The following DNAH3 variants were observed in gnomAD, a reference collection of about 807,000 sequenced individuals.
DNAH3 encodes the protein dynein axonemal heavy chain 3.
DNAH3 carries 332 observed loss-of-function variants against 432.5 expected under a neutral mutation model. The observed-to-expected ratio is 0.77, with a 90% confidence interval of 0.70 to 0.84. DNAH3 has a LOEUF of 0.84. Ranked by LOEUF, DNAH3 falls within the 40% of genes least tolerant of loss-of-function variation. The pLI, the probability that DNAH3 is intolerant of heterozygous loss-of-function variation, is 0.00. For missense variants in DNAH3, 4,861 were observed against 5,114.0 expected (o/e 0.95, Z 1.51); for synonymous variants, 1,956 against 1,900.2 (o/e 1.03, Z -0.76).
exon 44 of DNAH3, chr16:20,997,387 T>C: frequency 1.9e-6 from 3 of 1,614,174 alleles, no homozygotes; most frequent in Non-Finnish European, 2.5e-6. Flanking sequence ...CCAGTAACCA[T>C]GGTCAATCCA....
intron 31 of DNAH3, among the ~76,000 whole-genome samples, chr16:21,047,798 T>C (rs2152740318): frequency 6.6e-6 from 1 of 151,322 alleles, no homozygotes; most frequent in South Asian, 2.1e-4. Context: ...TTTCCCCATC[T>C]TTGTGGTTTT....
At chr16:20,939,643 T>C (rs35052487) in intron 59 of DNAH3, among the ~76,000 whole-genome samples, 42,537 of 149,092 alleles carry the variant, frequency 0.29, 6,139 homozygotes, top group Middle Eastern at 0.33. Flanking sequence ...AACTTTAAAA[T>C]TCAGGAAGCC....
At chr16:21,147,796 A>G (rs1260475263) in intron 1 of DNAH3, among the ~76,000 whole-genome samples, 1 of 152,212 alleles carries the variant, frequency 6.6e-6, no homozygotes, top group East Asian at 1.9e-4. Context: ...AAGTGACTAC[A>G]TTATTGAATG....
intron 41 of DNAH3, among the ~76,000 whole-genome samples, chr16:21,010,595 A>C (rs896307753): frequency 1.3e-5 from 2 of 152,126 alleles, no homozygotes; most frequent in African/African-American, 4.8e-5. Flanking sequence ...TCCAGCACTT[A>C]TTTGAGAGAT....
intron 51 of DNAH3, among the ~76,000 whole-genome samples, chr16:20,970,303 C>T (rs928244384): frequency 2.6e-5 from 4 of 152,178 alleles, no homozygotes; most frequent in African/African-American, 7.2e-5. Context: ...CGTGGTGGAT[C>T]ACTTGAGGTC....
At chr16:20,986,562 ATCAG>A (rs1278332395) in intron 47 of DNAH3, among the ~76,000 whole-genome samples, 1 of 152,182 alleles carries the variant, frequency 6.6e-6, no homozygotes, top group Non-Finnish European at 1.5e-5. Flanking sequence ...GAACGCTTTA[ATCAG>A]TCTATTTGCC....
chr16:21,152,530 G>C (rs1048972105), intron 1 of DNAH3, among the ~76,000 whole-genome samples: 2 of 152,272 alleles, frequency 1.3e-5, no homozygotes, highest in African/African-American at 4.8e-5. Flanking sequence ...CCGCTGCACT[G>C]TGAGAGCTCC....
exon 36 of DNAH3, chr16:21,034,027 C>T (rs746917328): frequency 1.9e-6 from 3 of 1,613,788 alleles, no homozygotes; most frequent in African/African-American, 2.7e-5. Context: ...AGAGGTCTTG[C>T]CGCCCATGGG....
chr16:21,084,966 C>T (rs1335293094), intron 19 of DNAH3, among the ~76,000 whole-genome samples: 3 of 151,938 alleles, frequency 2.0e-5, no homozygotes, highest in Non-Finnish European at 4.4e-5. Flanking sequence ...CCTAACCCCC[C>T]CATCCCCCCG....
At position 21,026,309 on chromosome 16, in the gene DNAH3, T is replaced by C. The variant is rs185770676; in HGVS notation, c.5540+718A>G. On this transcript the variant is annotated intron_variant, in intron 38 of 61. Transcript: ENST00000261383. The stretch of plus-strand genomic sequence containing the variant: ...ATGACAAATCTAAATGAATGACAAA[T>C]AATATAATGCTAAGCAAATTAACGC... 5.0e-4 allele frequency among the ~76,000 whole-genome samples: 76 copies of C among 152,160 alleles called. 1 individual carries two copies. The highest frequency in any genetic ancestry group is 3.6e-3 in the Admixed American group (55 of 15,274).
chr16:21,153,955 T>C (rs1164219358), intron 1 of DNAH3, among the ~76,000 whole-genome samples: 1 of 152,190 alleles, frequency 6.6e-6, no homozygotes, highest in Non-Finnish European at 1.5e-5. Context: ...TCACAAAGTA[T>C]ACATACGGTT....
intron 16 of DNAH3, among the ~76,000 whole-genome samples, chr16:21,100,506 C>CA (rs1204156275): frequency 6.6e-6 from 1 of 152,172 alleles, no homozygotes; most frequent in Non-Finnish European, 1.5e-5. Context: ...GGTGAACATC[C>CA]ACTATAAGCA....
At position 21,112,112 on chromosome 16, in the gene DNAH3, G is replaced by C; in HGVS notation, c.1815-14C>G. 6.4e-7 allele frequency: 1 copy of C among 1,564,922 alleles called. No homozygotes were observed. On this transcript the variant is annotated splice_polypyrimidine_tract_variant and intron_variant, in intron 12 of 61. Coordinates refer to ENST00000261383, the Ensembl canonical transcript of DNAH3. ...ACATTTAAATATCTTCCATATTGAA[G>C]GGTGTGAAATCAAACACACAAATAT...
intron 15 of DNAH3, among the ~76,000 whole-genome samples, chr16:21,106,177 TAAAAAAAAAAAA>T (rs767198150): frequency 1.4e-4 from 14 of 97,562 alleles, no homozygotes; most frequent in African/African-American, 5.3e-4. Flanking sequence ...AGACTCCATC[TAAAAAAAAAAAA>T]AAAAAAAAAA....
chr16:21,146,109 G>A (rs2092779885), intron 1 of DNAH3, 21 bp from the exon 3 acceptor site: 2 of 1,545,804 alleles, frequency 1.3e-6, no homozygotes, highest in African/African-American at 2.7e-5. Context: ...TGGGAACAAA[G>A]TCACCCTTCA....
At chr16:21,050,111 G>A in intron 29 of DNAH3, 93 bp from the exon 30 acceptor site, 1 of 937,350 alleles carries the variant, frequency 1.1e-6, no homozygotes. Flanking sequence ...CAAATATTTA[G>A]GTTAGTGCAA....
chr16:21,060,526 C>CTTTTTTTTTTTTTTTTTTT (rs375746116), intron 25 of DNAH3, among the ~76,000 whole-genome samples, 170 bp from the exon 26 acceptor site: 10 of 93,396 alleles, frequency 1.1e-4, no homozygotes, highest in East Asian at 7.7e-4. Context: ...TTTTTTTTTT[C>CTTTTTTTTTTTTTTTTTTT]TTTTTTTTTT....
intron 1 of DNAH3, chr16:21,159,218 T>C: frequency 9.6e-7 from 1 of 1,038,952 alleles, no homozygotes. Flanking sequence ...TCTGCAAGTA[T>C]CAAAGGGGGC....
chr16:20,997,493 G>GC (rs2086813562), intron 43 of DNAH3, 31 bp from the exon 44 acceptor site: 4 of 1,608,090 alleles, frequency 2.5e-6, no homozygotes, highest in Non-Finnish European at 3.4e-6. Context: ...TACAGCCATT[G>GC]CAAGTTCATG....
Sources: allele counts gnomAD v4.1 joint callset (sites outside exome capture counted in the v4.1 genomes callset), GRCh38; gene constraint gnomAD v4.1.1; transcripts MANE v1.5; gene names NCBI Gene and HGNC (gene_info 2026-07-23, HGNC 2026-07-21).